Variants in PLXNA4 observed in about 807,000 individuals in gnomAD.
PLXNA4 encodes plexin-A4.
A neutral mutation model predicts 191.8 loss-of-function variants in PLXNA4; 44 were observed. That is an observed-to-expected ratio of 0.23 (90% CI 0.18 to 0.29). PLXNA4 has a LOEUF of 0.29. Among genes scored for constraint, PLXNA4 ranks in the 10% least tolerant of loss-of-function variants. The probability of loss-of-function intolerance (pLI) is 1.00; values close to 1 mark genes in which losing one functional copy is unlikely to be tolerated. For missense variants in PLXNA4, 1,800 were observed against 2,488.8 expected (o/e 0.72, Z 5.89); for synonymous variants, 1,082 against 1,009.5 (o/e 1.07, Z -1.36).
intron 14 of PLXNA4, among the ~76,000 whole-genome samples, chr7:132,192,650 C>T (rs557993821): frequency 6.6e-6 from 1 of 152,224 alleles, no homozygotes; most frequent in African/African-American, 2.4e-5. Flanking sequence ...GCATAAAATC[C>T]ATCACTTCAG....
intron 25 of PLXNA4, among the ~76,000 whole-genome samples, chr7:132,159,184 A>T (rs927226166): frequency 6.6e-6 from 1 of 152,004 alleles, no homozygotes; most frequent in Non-Finnish European, 1.5e-5. Flanking sequence ...CCCCTCTGCT[A>T]TTCAAAGGAC....
intron 14 of PLXNA4, among the ~76,000 whole-genome samples, chr7:132,192,369 G>A (rs1797118406): frequency 6.6e-6 from 1 of 152,064 alleles, no homozygotes; most frequent in Non-Finnish European, 1.5e-5. Context: ...ATTGTGCAAG[G>A]TGATCAATGG....
chr7:132,390,836 A>G (rs750435287), intron 3 of PLXNA4, among the ~76,000 whole-genome samples: 3 of 152,216 alleles, frequency 2.0e-5, no homozygotes, highest in Non-Finnish European at 4.4e-5. Flanking sequence ...GTTGGGCATG[A>G]GCTGGGCTAA....
chr7:132,514,957 T>C (rs1350344717), intron 1 of PLXNA4, among the ~76,000 whole-genome samples: 1 of 152,228 alleles, frequency 6.6e-6, no homozygotes, highest in Admixed American at 6.5e-5. Flanking sequence ...TCTGGGCATC[T>C]GTGCCTTTGC....
chr7:132,147,314 C>G (rs1376645493), intron 27 of PLXNA4, among the ~76,000 whole-genome samples: 1 of 152,122 alleles, frequency 6.6e-6, no homozygotes, highest in African/African-American at 2.4e-5. Flanking sequence ...CTAGAATGAT[C>G]CTGTTCAGTC....
chr7:132,564,411 C>CCCCCTCTTCTTGCTCCTCCT (rs1563177824), intron 1 of PLXNA4, among the ~76,000 whole-genome samples: 1 of 151,018 alleles, frequency 6.6e-6, no homozygotes, highest in African/African-American at 2.4e-5. Flanking sequence ...TTGCTCCTCC[C>CCCCCTCTTCTTGCTCCTCCT]CCTCCTTCTC....
chr7:132,308,610 G>C (rs897972055), intron 3 of PLXNA4, among the ~76,000 whole-genome samples: 1 of 152,148 alleles, frequency 6.6e-6, no homozygotes, highest in African/African-American at 2.4e-5. Flanking sequence ...GGCAAACAGC[G>C]TGACTCCCAA....
intron 4 of PLXNA4, among the ~76,000 whole-genome samples, chr7:132,259,184 C>G (rs1030757937): frequency 6.6e-5 from 10 of 152,034 alleles, no homozygotes; most frequent in Admixed American, 6.6e-4. Context: ...GCACAGAAAG[C>G]TTGGATGGAC....
At chr7:132,229,787 G>T (rs2116989034) in intron 5 of PLXNA4, among the ~76,000 whole-genome samples, 1 of 152,162 alleles carries the variant, frequency 6.6e-6, no homozygotes, top group Non-Finnish European at 1.5e-5. Flanking sequence ...GTCTCAGGAA[G>T]CAGACAGGTG....
chr7:132,218,971 G>GA (rs139165379), intron 9 of PLXNA4, among the ~76,000 whole-genome samples: 33 of 147,360 alleles, frequency 2.2e-4, no homozygotes, highest in East Asian at 9.8e-4. Context: ...CTTTGTTCAG[G>GA]AAAAAAAAAA....
At chr7:132,638,246 C>T (rs1452027667) in intron 2 of PLXNA4, among the ~76,000 whole-genome samples, 7 of 152,230 alleles carry the variant, frequency 4.6e-5, no homozygotes, top group Admixed American at 4.6e-4. Flanking sequence ...AGCCCTGTGC[C>T]CATCCCTGCT....
intron 3 of PLXNA4, among the ~76,000 whole-genome samples, chr7:132,434,750 A>G (rs1242711464): frequency 1.3e-5 from 2 of 152,192 alleles, no homozygotes; most frequent in Admixed American, 6.5e-5. Context: ...TGGAACGGTG[A>G]GCTCCACTTT....
chr7:132,570,354 T>G (rs1185320208), intron 1 of PLXNA4, among the ~76,000 whole-genome samples: 1 of 152,206 alleles, frequency 6.6e-6, no homozygotes, highest in Non-Finnish European at 1.5e-5. Flanking sequence ...CGTCTGCTAC[T>G]GTCTCCTCTC....
chr7:132,419,857 T>C (rs1794789732), intron 3 of PLXNA4, among the ~76,000 whole-genome samples: 1 of 152,246 alleles, frequency 6.6e-6, no homozygotes, highest in Admixed American at 6.5e-5. Context: ...AACACAACTT[T>C]ACTTATGTAC....
At chr7:132,299,659 T>C (rs1285632158) in intron 3 of PLXNA4, among the ~76,000 whole-genome samples, 1 of 152,236 alleles carries the variant, frequency 6.6e-6, no homozygotes, top group East Asian at 1.9e-4. Context: ...TTAATGTTCA[T>C]TCATCACGGC....
intron 3 of PLXNA4, among the ~76,000 whole-genome samples, chr7:132,396,231 T>C (rs953625727): frequency 1.3e-5 from 2 of 152,020 alleles, no homozygotes; most frequent in African/African-American, 2.4e-5. Context: ...GCTTTGAAAA[T>C]TGGGGAGTTC....
At chr7:132,200,284 C>T (rs1354205283) in intron 12 of PLXNA4, among the ~76,000 whole-genome samples, 1 of 152,170 alleles carries the variant, frequency 6.6e-6, no homozygotes, top group South Asian at 2.1e-4. Flanking sequence ...ACCAGACACA[C>T]TGCCATGCGC....
chr7:132,312,695 A>G (rs1249468092), intron 3 of PLXNA4, among the ~76,000 whole-genome samples: 1 of 152,208 alleles, frequency 6.6e-6, no homozygotes, highest in Non-Finnish European at 1.5e-5. Flanking sequence ...GCCAGGACCT[A>G]GCTACATGAC....
chr7:132,156,183 G>C (rs13227323), intron 25 of PLXNA4, among the ~76,000 whole-genome samples: 3,287 of 71,436 alleles, frequency 0.046, 39 homozygotes, highest in African/African-American at 0.062. Context: ...CACACACACA[G>C]ACGCACACAC....
Sources: allele counts gnomAD v4.1 joint callset (sites outside exome capture counted in the v4.1 genomes callset), GRCh38; gene constraint gnomAD v4.1.1; transcripts MANE v1.5; gene names NCBI Gene and HGNC (gene_info 2026-07-23, HGNC 2026-07-21).